Variants in TBL1X observed in about 807,000 individuals in gnomAD.
TBL1X encodes transducin beta like 1 X-linked.
TBL1X carries 10 observed loss-of-function variants against 50.7 expected under a neutral mutation model. The ratio of observed to expected loss-of-function variants is 0.20; its 90% CI spans 0.12 to 0.33. TBL1X has a LOEUF of 0.33. TBL1X is among the 10% of genes least tolerant of loss of function. The probability of loss-of-function intolerance (pLI) is 1.00; values close to 1 mark genes in which losing one functional copy is unlikely to be tolerated. For missense variants in TBL1X, 340 were observed against 504.4 expected, an observed-to-expected ratio of 0.67 and a Z score of 3.12; for synonymous variants, 190 against 214.7, an observed-to-expected ratio of 0.88 and a Z score of 1.01.
chrX:9,628,656 T>A (rs769052189), intron 2 of TBL1X, among the ~76,000 whole-genome samples: 1 of 110,170 alleles, frequency 9.1e-6, no homozygotes, highest in East Asian at 2.9e-4. Flanking sequence ...CAAATAATTA[T>A]CCTGCCTCAG....
intron 2 of TBL1X, among the ~76,000 whole-genome samples, chrX:9,562,189 G>A (rs747234797): frequency 1.9e-4 from 21 of 111,867 alleles, no homozygotes; most frequent in African/African-American, 5.8e-4. Context: ...TTGTATCTAC[G>A]GGGACAGATT....
At chrX:9,614,504 C>G (rs1011856198) in intron 2 of TBL1X, among the ~76,000 whole-genome samples, 1 of 110,845 alleles carries the variant, frequency 9.0e-6, no homozygotes, top group Non-Finnish European at 1.9e-5. Context: ...GAGGCTGCAG[C>G]GAGCCAGGAT....
At chrX:9,492,886 T>TA (rs1489828013) in intron 1 of TBL1X, among the ~76,000 whole-genome samples, 4,049 of 30,407 alleles carry the variant, frequency 0.13, 286 homozygotes, top group Admixed American at 0.22. Context: ...TGTGTGTGTG[T>TA]GTGTGTGTGT....
intron 1 of TBL1X, among the ~76,000 whole-genome samples, chrX:9,499,034 G>A (rs1394437928): frequency 1.8e-5 from 2 of 111,830 alleles, no homozygotes; most frequent in Non-Finnish European, 3.8e-5. Context: ...GCAGTGCAGT[G>A]GCTTTGTTGA....
intron 2 of TBL1X, among the ~76,000 whole-genome samples, chrX:9,545,642 C>CT (rs923085417): frequency 4.5e-5 from 5 of 110,674 alleles, no homozygotes; most frequent in African/African-American, 1.6e-4. Flanking sequence ...TCTCATTACT[C>CT]TAAGGTTGCT....
chrX:9,549,433 T>C (rs1036503918), intron 2 of TBL1X, among the ~76,000 whole-genome samples: 1 of 113,040 alleles, frequency 8.8e-6, no homozygotes, highest in Non-Finnish European at 1.9e-5. Flanking sequence ...TCAACTGTCA[T>C]ACATTTTGAT....
chrX:9,642,376 A>G (rs1355175561), intron 3 of TBL1X, among the ~76,000 whole-genome samples: 1 of 111,825 alleles, frequency 8.9e-6, no homozygotes, highest in Non-Finnish European at 1.9e-5. Flanking sequence ...AATAACCTAC[A>G]TAACATACTC....
intron 1 of TBL1X, among the ~76,000 whole-genome samples, chrX:9,485,214 T>G (rs1023089616): frequency 4.4e-5 from 5 of 112,394 alleles, no homozygotes; most frequent in South Asian, 3.6e-4. Context: ...GGCTCTCAGC[T>G]GATGCTGGTG....
At chrX:9,529,541 G>A (rs1256242747) in intron 2 of TBL1X, among the ~76,000 whole-genome samples, 13 of 111,633 alleles carry the variant, frequency 1.2e-4, no homozygotes, top group African/African-American at 3.9e-4. Context: ...TGGTTTCCAG[G>A]CCCAAGCAGC....
chrX:9,696,300 C>A (rs761163794), intron 11 of TBL1X, among the ~76,000 whole-genome samples: 5 of 112,122 alleles, frequency 4.5e-5, no homozygotes, highest in African/African-American at 6.5e-5. Flanking sequence ...GACCCAAAAC[C>A]CAGGAGTACC....
chrX:9,686,934 T>C (rs886522298), intron 6 of TBL1X, among the ~76,000 whole-genome samples: 1 of 112,549 alleles, frequency 8.9e-6, no homozygotes. Context: ...TAGGTTGTAT[T>C]GTTTTCTTTA....
chrX:9,497,765 CCTCCCTCCCTCT>C (rs1455089540), intron 1 of TBL1X, among the ~76,000 whole-genome samples: 7 of 53,758 alleles, frequency 1.3e-4, no homozygotes, highest in African/African-American at 3.9e-4. Context: ...TCCCTCCCTC[CCTCCCTCCCTCT>C]CTCTCTCCCT....
intron 2 of TBL1X, among the ~76,000 whole-genome samples, chrX:9,508,819 C>T (rs1159091736): frequency 9.0e-6 from 1 of 111,149 alleles, no homozygotes; most frequent in Non-Finnish European, 1.9e-5. Context: ...CCATCATCCT[C>T]AGCAAACTAG....
intron 2 of TBL1X, among the ~76,000 whole-genome samples, chrX:9,626,437 C>T (rs2082693229): frequency 8.9e-6 from 1 of 112,017 alleles, no homozygotes; most frequent in Non-Finnish European, 1.9e-5. Context: ...AATGCTAGGC[C>T]CTGCACTGGC....
Position 9,705,055 on chromosome X carries a change from T to C in TBL1X, c.1177T>C (p.Cys393Arg). The C allele has an allele frequency of 8.3e-7, 1 of 1,211,979 alleles. No individual in the cohort carries two copies. The highest frequency in any genetic ancestry group is 3.0e-5 in the East Asian group (1 of 33,840). Residue 393 changes from cysteine to arginine, a missense_variant, in exon 13 of 18, where the codon TGT becomes CGT. Around this residue, in one of 6 missense-constraint regions of TBL1X, gnomAD observed 170 missense variants for 272.6 expected, o/e 0.62. Transcript: ENST00000645353. ...CTTTGCCTCCTGTAGCACAGACATG[T>C]GTATCCATGTGTGCAGGCTCGGCTG... ...TTFASCSTDM[C>R]IHVCRLGCDR...
At chrX:9,494,483 C>G (rs950413992) in intron 1 of TBL1X, among the ~76,000 whole-genome samples, 9 of 111,826 alleles carry the variant, frequency 8.0e-5, no homozygotes, top group Non-Finnish European at 1.1e-4. Context: ...TAAGCTTGAA[C>G]CATGGTGACA....
At chrX:9,467,383 G>A (rs1394950838) in intron 1 of TBL1X, among the ~76,000 whole-genome samples, 1 of 112,007 alleles carries the variant, frequency 8.9e-6, no homozygotes, top group African/African-American at 3.2e-5. Context: ...GCTCTGCCCC[G>A]CAGCAGTGCC....
chrX:9,579,181 G>C (rs139204630), intron 2 of TBL1X, among the ~76,000 whole-genome samples: 1,186 of 112,185 alleles, frequency 0.011, 17 homozygotes, highest in African/African-American at 0.036. Context: ...CAGAGTTGAA[G>C]CATCTTGTTG....
At chrX:9,486,592 C>G (rs1044754111) in intron 1 of TBL1X, among the ~76,000 whole-genome samples, 2 of 65,494 alleles carry the variant, frequency 3.1e-5, no homozygotes, top group Non-Finnish European at 5.4e-5. Flanking sequence ...AACACACACC[C>G]CCCCCCCACG....
Sources: gnomAD v4.1 joint callset for allele counts (sites outside exome capture counted in the v4.1 genomes callset) on GRCh38, gnomAD v4.1.1 for gene constraint, gnomAD v4.1.1 regional missense constraint, MANE v1.5 for transcripts, NCBI Gene and HGNC (gene_info 2026-07-23, HGNC 2026-07-21) for gene names.